ZNF541: variants seen among roughly 807,000 people sequenced by gnomAD.
ZNF541 encodes zinc finger protein 541.
Under a neutral mutation model 123.5 loss-of-function variants are expected in ZNF541, and 23 were observed. That is an observed-to-expected ratio of 0.19 (90% CI 0.13 to 0.26). The LOEUF (loss-of-function observed/expected upper bound fraction) is 0.26, where lower values mean the gene tolerates loss of function less well. Ranked by LOEUF, ZNF541 falls within the 10% of genes least tolerant of loss-of-function variation. The probability of loss-of-function intolerance (pLI) is 1.00; values close to 1 mark genes in which losing one functional copy is unlikely to be tolerated. For synonymous variants in ZNF541, 751 were observed against 754.5 expected, an observed-to-expected ratio of 1.00 and a Z score of 0.08; for missense variants, 1,612 against 1,789.9, an observed-to-expected ratio of 0.90 and a Z score of 1.79.
intron 2 of ZNF541, among the ~76,000 whole-genome samples, chr19:47,556,483 AT>A (rs887694756): frequency 2.6e-5 from 4 of 151,930 alleles, no homozygotes; most frequent in African/African-American, 9.7e-5. Flanking sequence ...AAAATGGATA[AT>A]TTTTTTTAAG....
At chr19:47,536,130 T>C (rs1599970584) in intron 9 of ZNF541, among the ~76,000 whole-genome samples, 1 of 152,216 alleles carries the variant, frequency 6.6e-6, no homozygotes, top group Non-Finnish European at 1.5e-5. Flanking sequence ...TTGTTTGTGG[T>C]TTAAGAACGC....
Position 47,544,279 on chromosome 19 carries a change from C to T in ZNF541, c.2250G>A (p.Arg750=), listed in dbSNP as rs765558273. 8.4e-6 allele frequency: 13 copies of T among 1,551,480 alleles called. 1 individual carries two copies. The African/African-American group carries it at 1.5e-4, about 18-fold the overall frequency. Residue 750 remains arginine, a synonymous_variant, in exon 5 of 17, where the codon AGG becomes AGA. Transcript: ENST00000391901. ...GGGYRLLGNP[R]APRFSGFRKE... ...TCCGGAAGCCGGAGAATCGCGGGGC[C>T]CTGGGGTTGCCCAAGAGCCGGTAGC...
In ZNF541 at chr19:47,555,662, G is replaced by A. The variant is rs377442237; in HGVS notation, c.195C>T (p.Ser65=). The change falls in exon 3 of 17, where the codon AGC becomes AGT. Residue 65 remains serine (S), a synonymous_variant. Coordinates refer to ENST00000391901, the MANE Select transcript of ZNF541 (RefSeq NM_001277075.3). ...TGTCTAAGTTGTCCTCCAGCACCTC[G>A]CTGGACATGTCAGGCGTTGGGAGGC... ...DPSLPTPDMS[S]EVLEDNLDTL... 3 of 1,551,646 alleles carry A rather than the reference G, an allele frequency of 1.9e-6. No homozygotes were observed. Among genetic ancestry groups the A allele is most frequent in the East Asian group, 2.4e-5 (1 of 40,906 alleles).
intron 4 of ZNF541, 58 bp from the exon 5 acceptor site, chr19:47,546,038 G>C: frequency 1.4e-6 from 2 of 1,402,608 alleles, no homozygotes; most frequent in South Asian, 1.6e-5. Context: ...GCTTTCTGCT[G>C]TAGGACCCTG....
chr19:47,573,157 C>T (rs1214375943), upstream of ZNF541, among the ~76,000 whole-genome samples: 16 of 149,412 alleles, frequency 1.1e-4, no homozygotes, highest in Non-Finnish European at 2.2e-4. Context: ...CCGCCTTCCC[C>T]GCGCCGCCCG....
Position 47,521,439 on chromosome 19 carries a change from C to A in ZNF541, c.3887+40G>T. ...GAGGAAGGGATCACAGGGGCTGAGG[C>A]TGGGAGCCCTGGGAGTGTTTCCAGG... On this transcript the variant is annotated intron_variant, in intron 16 of 16. Coordinates refer to ENST00000391901, the MANE Select transcript of ZNF541 (RefSeq NM_001277075.3). This position sits in a 1 kb window ranked among gnomAD's most constrained non-coding sequence, Gnocchi z 4.2. 6.4e-7 allele frequency: 1 copy of A among 1,550,400 alleles called. No homozygotes were observed. Among genetic ancestry groups the A allele is most frequent in the Non-Finnish European group, 8.7e-7 (1 of 1,145,950 alleles).
At chr19:47,541,059 G>T in intron 5 of ZNF541, 108 bp from the exon 6 acceptor site, 1 of 998,620 alleles carries the variant, frequency 1.0e-6, no homozygotes, top group Non-Finnish European at 1.4e-6. Context: ...TCATGACCTT[G>T]GATTAGACAG....
In ZNF541 at chr19:47,545,492, G is replaced by T; in HGVS notation, c.1037C>A (p.Ala346Asp). 1 of 1,495,110 alleles carries T rather than the reference G, an allele frequency of 6.7e-7. No individual in the cohort carries two copies. Among genetic ancestry groups the T allele is most frequent in the Non-Finnish European group, 8.9e-7 (1 of 1,119,090 alleles). The allele number at this position is 1,495,110 out of a possible 1,614,324, so 92.6% of individuals were successfully genotyped here. Residue 346 changes from alanine (A) to aspartate (D), a missense_variant, in exon 5 of 17, where the codon GCC (alanine) becomes GAC (aspartate). Coordinates refer to ENST00000391901, the MANE Select transcript of ZNF541 (RefSeq NM_001277075.3). The surrounding 1 kb of genome is among the most constrained non-coding windows in gnomAD (Gnocchi z 7.5). ...ATTAGGGGCTGTGAACACGTCAGTGGCCGGCTCTTTCTGTGGGAGGCAAGG... is the reference window on the plus strand; with the variant it reads ...ATTAGGGGCTGTGAACACGTCAGTGTCCGGCTCTTTCTGTGGGAGGCAAGG... ...EEPCLPQKEP[A>D]TDVFTAPNSR...
chr19:47,562,110 G>T (rs977283671), intron 2 of ZNF541, among the ~76,000 whole-genome samples: 10 of 152,176 alleles, frequency 6.6e-5, no homozygotes, highest in Non-Finnish European at 1.3e-4. Context: ...TTAGCTGGCT[G>T]TGGTGGCAGG....
intron 3 of ZNF541, among the ~76,000 whole-genome samples, chr19:47,551,073 C>T (rs191985622): frequency 2.2e-3 from 309 of 141,772 alleles, no homozygotes; most frequent in African/African-American, 7.9e-3. Flanking sequence ...TTTTTTGAGA[C>T]TGAGTCTTAC....
chr19:47,523,046 A>G (rs1236324083), intron 14 of ZNF541, among the ~76,000 whole-genome samples: 1 of 149,546 alleles, frequency 6.7e-6, no homozygotes, highest in Admixed American at 6.7e-5. Context: ...GCACCCGGCC[A>G]GCAGTGAGCT....
chr19:47,549,566 T>C (rs1376457482), intron 3 of ZNF541, 81 bp from the exon 4 acceptor site: 11 of 1,521,638 alleles, frequency 7.2e-6, no homozygotes, highest in Admixed American at 4.1e-5. Flanking sequence ...CTACACCTCT[T>C]AGAACCATGG....
rs778966903 is a variant in ZNF541 at position 47,544,648 on chromosome 19, C to T, written c.1881G>A (p.Arg627=). 15 of 1,545,950 alleles carry T rather than the reference C, an allele frequency of 9.7e-6. 1 individual carries two copies. Among genetic ancestry groups the T allele is most frequent in the Middle Eastern group, 3.3e-4 (2 of 5,976 alleles). Residue 627 remains arginine (R), a synonymous_variant, in exon 5 of 17, where the codon AGG becomes AGA. Coordinates refer to ENST00000391901, the MANE Select transcript of ZNF541 (RefSeq NM_001277075.3). ...TGGGAACCCCGGGTGTGGTTTTTCT[C>T]CTGCGGGCTGGGGAGCCCTCTGCCT... The part of the protein sequence containing the change: ...NPEAEGSPAR[R]RKTTPGVPRE...
At chr19:47,540,464 G>C in intron 6 of ZNF541, 129 bp from the exon 7 acceptor site, 1 of 983,824 alleles carries the variant, frequency 1.0e-6, no homozygotes, top group Non-Finnish European at 1.4e-6. Flanking sequence ...TTTGGAGATG[G>C]AGTCTCACTC....
chr19:47,532,614 C>T (rs1217951187), intron 10 of ZNF541, among the ~76,000 whole-genome samples: 1 of 152,106 alleles, frequency 6.6e-6, no homozygotes, highest in African/African-American at 2.4e-5. Flanking sequence ...CCACTCTGTG[C>T]CATCACCAAT....
At chr19:47,537,794 G>A (rs1568491826) in intron 9 of ZNF541, among the ~76,000 whole-genome samples, 4 of 151,928 alleles carry the variant, frequency 2.6e-5, no homozygotes, top group Non-Finnish European at 5.9e-5. Flanking sequence ...AGGATCTCTT[G>A]AGACCAGGAG....
chr19:47,555,647 G>T lies in ZNF541; in HGVS notation c.210C>A (p.Asp70Glu). 1 of 1,551,716 alleles carries T rather than the reference G, an allele frequency of 6.4e-7. No homozygotes were observed. ...AGTACAGGGACAAGGTGTCTAAGTT[G>T]TCCTCCAGCACCTCGCTGGACATGT... ...TPDMSSEVLE[D>E]NLDTLSLYSG... is the part of the protein sequence containing the mutation. Residue 70 changes from aspartate (D) to glutamate (E), a missense_variant, in exon 3 of 17, where the codon GAC (aspartate) becomes GAA (glutamate). Asp to Glu is a conservative substitution (Grantham distance 45). Transcript: ENST00000391901.
intron 2 of ZNF541, among the ~76,000 whole-genome samples, chr19:47,561,729 C>T (rs1247182634): frequency 6.6e-6 from 1 of 150,842 alleles, no homozygotes; most frequent in East Asian, 1.9e-4. Flanking sequence ...TTTTTTTTAG[C>T]TCCAGGAGTT....
At chr19:47,552,742 CAAAAAAA>C (rs573248609) in intron 3 of ZNF541, among the ~76,000 whole-genome samples, 5 of 26,128 alleles carry the variant, frequency 1.9e-4, no homozygotes, top group Admixed American at 8.4e-4. Flanking sequence ...GACTCCATCT[CAAAAAAA>C]AAAAAAAAAA....
Sources: allele counts gnomAD v4.1 joint callset (sites outside exome capture counted in the v4.1 genomes callset), GRCh38; gene constraint gnomAD v4.1.1; non-coding constraint Gnocchi (gnomAD v3.1); transcripts MANE v1.5; gene names NCBI Gene and HGNC (gene_info 2026-07-23, HGNC 2026-07-21).